KAZN: variants seen among roughly 807,000 people sequenced by gnomAD.
KAZN encodes the protein kazrin.
KAZN carries 40 observed loss-of-function variants against 87.4 expected under a neutral mutation model. The observed-to-expected ratio is 0.46, with a 90% CI of 0.36 to 0.60. The LOEUF is 0.60. KAZN is among the 20% of genes least tolerant of loss of function. The pLI, the probability that KAZN is intolerant of heterozygous loss-of-function variation, is 0.00. For synonymous variants in KAZN, 466 were observed against 458.3 expected (o/e 1.02, Z -0.22); for missense variants, 898 against 1,073.9 (o/e 0.84, Z 2.29).
intron 2 of KAZN, among the ~76,000 whole-genome samples, chr1:15,011,915 C>T (rs1669608101): frequency 6.6e-6 from 1 of 152,194 alleles, no homozygotes; most frequent in South Asian, 2.1e-4. Context: ...GCCTCCAAGC[C>T]CCCTCCTCTG....
intron 1 of KAZN, among the ~76,000 whole-genome samples, chr1:14,049,964 T>G (rs1165186711): frequency 6.6e-6 from 1 of 152,180 alleles, no homozygotes. Context: ...GAGGAGGCCC[T>G]GCCTTGCCTG....
At chr1:14,865,043 A>G (rs1265492633) in intron 1 of KAZN, among the ~76,000 whole-genome samples, 1 of 152,150 alleles carries the variant, frequency 6.6e-6, no homozygotes, top group Non-Finnish European at 1.5e-5. Context: ...CCATCTCCTC[A>G]ATGAGATCTT....
rs546135477 is a variant in KAZN, at chr1:14,667,913, C to T, written c.226+68690C>T. Among the ~76,000 whole-genome samples, 131 of 152,218 alleles carry T rather than the reference C, an allele frequency of 8.6e-4. 1 individual carries two copies. Among genetic ancestry groups the T allele is most frequent in the South Asian group, 1.5e-3 (7 of 4,818 alleles). On this transcript the variant is annotated intron_variant, in intron 1 of 14. Transcript: ENST00000376030. ...CTTGAAGCCAAACCGGAACAAAACCCAGATTCTCTACACTTAACACCTTAA... is the reference window on the plus strand; with the variant it reads ...CTTGAAGCCAAACCGGAACAAAACCTAGATTCTCTACACTTAACACCTTAA...
chr1:13,986,245 A>T (rs879824344), intron 1 of KAZN, among the ~76,000 whole-genome samples: 2 of 152,214 alleles, frequency 1.3e-5, no homozygotes, highest in Non-Finnish European at 1.5e-5. Context: ...TGTAAATATG[A>T]TTGTATTTTT....
intron 2 of KAZN, among the ~76,000 whole-genome samples, chr1:14,345,787 G>T (rs1474677951): frequency 6.6e-6 from 1 of 152,144 alleles, no homozygotes; most frequent in Non-Finnish European, 1.5e-5. Context: ...TGCCAGTCCA[G>T]GGACCATCCT....
rs1421444313 is a variant in KAZN, at chr1:15,112,493, G to A, written c.2115G>A (p.Arg705=). The change falls in exon 14 of 15, where the codon CGG becomes CGA. Residue 705 remains arginine (R), a synonymous_variant. Transcript: ENST00000376030. The part of the protein sequence containing the change: ...TPPGRASSVT[R]AGKEENSSGL... ...CTGGCAGGGCCTCCAGCGTCACGCG[G>A]GCAGGAAAGGAGGAGAACAGCAGCG... The A allele has an allele frequency of 1.9e-6, 3 of 1,605,258 alleles. No homozygotes were observed. Among genetic ancestry groups the A allele is most frequent in the Non-Finnish European group, 2.5e-6 (3 of 1,176,994 alleles).
chr1:14,905,213 A>G (rs1372302546), intron 1 of KAZN, among the ~76,000 whole-genome samples: 3 of 152,050 alleles, frequency 2.0e-5, no homozygotes, highest in Non-Finnish European at 4.4e-5. Context: ...CACACACCAC[A>G]TGCTTGGCTA....
chr1:13,982,130 C>T (rs193140395), intron 1 of KAZN, among the ~76,000 whole-genome samples: 25 of 152,306 alleles, frequency 1.6e-4, no homozygotes, highest in African/African-American at 5.5e-4. Context: ...TCCAGTCCGG[C>T]CAGGGCCTGA....
intron 2 of KAZN, among the ~76,000 whole-genome samples, chr1:14,185,358 A>G (rs569262797): frequency 6.6e-6 from 1 of 152,328 alleles, no homozygotes; most frequent in South Asian, 2.1e-4. Flanking sequence ...CCACCTTGTA[A>G]AAGTCATAGG....
chr1:14,523,960 G>A (rs187091416), intron 2 of KAZN, among the ~76,000 whole-genome samples: 14 of 152,174 alleles, frequency 9.2e-5, no homozygotes, highest in African/African-American at 1.9e-4. Context: ...TTTTGAAAGC[G>A]TATATCCACG....
chr1:14,896,288 C>T (rs1488641067), intron 1 of KAZN, among the ~76,000 whole-genome samples: 2 of 152,118 alleles, frequency 1.3e-5, no homozygotes, highest in Non-Finnish European at 2.9e-5. Context: ...CTCTTGACCT[C>T]GTGATCCGCC....
chr1:14,657,706 C>T (rs1446835522), intron 1 of KAZN, among the ~76,000 whole-genome samples: 1 of 152,160 alleles, frequency 6.6e-6, no homozygotes, highest in East Asian at 1.9e-4. Flanking sequence ...GAGTTAAGCT[C>T]CTTGAGACAG....
intron 2 of KAZN, among the ~76,000 whole-genome samples, chr1:14,324,622 A>C (rs555432771): frequency 1.1e-3 from 168 of 152,290 alleles, no homozygotes; most frequent in African/African-American, 3.9e-3. Flanking sequence ...ATATGGCTTC[A>C]AGGGTGTTAT....
At chr1:14,922,210 A>G (rs1658599130) in intron 1 of KAZN, among the ~76,000 whole-genome samples, 1 of 152,240 alleles carries the variant, frequency 6.6e-6, no homozygotes, top group Admixed American at 6.5e-5. Context: ...AAACCACAGT[A>G]GCCCCTGCTC....
chr1:14,232,086 T>G (rs1472465557), intron 2 of KAZN, among the ~76,000 whole-genome samples: 2 of 152,082 alleles, frequency 1.3e-5, no homozygotes, highest in Middle Eastern at 3.2e-3. Context: ...GGCTGGGAAA[T>G]GTAGTCTGGC....
chr1:14,059,092 T>C (rs984272645), intron 1 of KAZN, among the ~76,000 whole-genome samples: 8 of 152,350 alleles, frequency 5.3e-5, no homozygotes, highest in Admixed American at 4.6e-4. Context: ...ATGAGAATTA[T>C]CTTCTTTTAA....
At chr1:14,031,221 A>G (rs1171468401) in intron 1 of KAZN, among the ~76,000 whole-genome samples, 1 of 152,254 alleles carries the variant, frequency 6.6e-6, no homozygotes, top group Admixed American at 6.5e-5. Flanking sequence ...ATGTCCAAAT[A>G]CCATGTGAAT....
rs140730793 is a variant in KAZN at position 14,102,662 on chromosome 1, G to T, written c.92-77773G>T. Among the ~76,000 whole-genome samples the T allele has an allele frequency of 3.2e-4, 48 of 152,208 alleles. No homozygotes were observed. The East Asian group carries it at 8.9e-3, about 28-fold the overall frequency. On this transcript the variant is annotated intron_variant, in intron 1 of 16. Transcript: ENST00000636203. ...CGTCTCCCATCCTGGTGCCTTCAGG[G>T]CCCTCTATGGTGAGCTCCGTGCATC...
At chr1:14,555,247 G>A (rs892990809) in intron 2 of KAZN, among the ~76,000 whole-genome samples, 2 of 152,164 alleles carry the variant, frequency 1.3e-5, no homozygotes, top group Admixed American at 6.5e-5. Context: ...TTATCCACAC[G>A]TGCACCCTTG....
Sources: allele counts gnomAD v4.1 joint callset (sites outside exome capture counted in the v4.1 genomes callset), GRCh38; gene constraint gnomAD v4.1.1; transcripts MANE v1.5; gene names NCBI Gene and HGNC (gene_info 2026-07-23, HGNC 2026-07-21).